The following MYT1L variants were observed in gnomAD, a reference collection of about 807,000 sequenced individuals.
The protein encoded by MYT1L is myelin transcription factor 1 like.
A neutral mutation model predicts 126.7 loss-of-function variants in MYT1L; 12 were observed. That is an observed-to-expected ratio of 0.09 (90% CI 0.06 to 0.15). The LOEUF (loss-of-function observed/expected upper bound fraction) is 0.15. MYT1L is among the 10% of genes least tolerant of loss of function. The pLI, the probability that MYT1L is intolerant of heterozygous loss-of-function variation, is 1.00. For missense variants in MYT1L, 979 were observed against 1,585.2 expected, an observed-to-expected ratio of 0.62 and a Z score of 6.49; for synonymous variants, 541 against 604.2, an observed-to-expected ratio of 0.90 and a Z score of 1.53.
intron 18 of MYT1L, among the ~76,000 whole-genome samples, chr2:1,867,462 A>C (rs1045792625): frequency 1.3e-5 from 2 of 152,096 alleles, no homozygotes; most frequent in African/African-American, 2.4e-5. Context: ...CTGCACTACT[A>C]ATCACCAACT....
chr2:2,281,363 C>T (rs918534886), intron 2 of MYT1L, among the ~76,000 whole-genome samples: 7 of 152,188 alleles, frequency 4.6e-5, no homozygotes, highest in Admixed American at 2.0e-4. Context: ...AACTAGTACA[C>T]GTGGCATGAC....
chr2:2,176,735 G>T (rs2090840568), intron 2 of MYT1L, among the ~76,000 whole-genome samples: 1 of 152,090 alleles, frequency 6.6e-6, no homozygotes, highest in Non-Finnish European at 1.5e-5. Flanking sequence ...CTGACCTTAA[G>T]TGATCTGCCT....
intron 2 of MYT1L, among the ~76,000 whole-genome samples, chr2:2,261,704 G>T (rs894918587): frequency 6.6e-6 from 1 of 152,180 alleles, no homozygotes. Flanking sequence ...ATACATTTGT[G>T]GAGATCTTCA....
At chr2:1,847,099 G>T (rs995347240) in intron 19 of MYT1L, among the ~76,000 whole-genome samples, 2 of 152,180 alleles carry the variant, frequency 1.3e-5, no homozygotes, top group African/African-American at 2.4e-5. Context: ...TGGAGGCTTC[G>T]ATTTTGCGCA....
In MYT1L at chr2:2,059,684, G is replaced by A. The variant is rs1192342430; in HGVS notation, c.-303-5561C>T. 3.9e-5 allele frequency among the ~76,000 whole-genome samples: 6 copies of A among 152,244 alleles called. No individual in the cohort carries two copies. The highest frequency in any genetic ancestry group is 9.6e-5 in the African/African-American group (4 of 41,544). ...GAAAGTCCTTAATTATGTCTGCGTC[G>A]TAGGCTCTTCACCTTTCAGAATCAT... On this transcript the variant is annotated intron_variant, in intron 3 of 24. Coordinates refer to ENST00000647738, the MANE Select transcript of MYT1L (RefSeq NM_001303052.2). This position sits in a 1 kb window ranked among gnomAD's most constrained non-coding sequence, Gnocchi z 4.7.
chr2:1,881,899 T>C (rs1004592359), intron 18 of MYT1L, among the ~76,000 whole-genome samples: 2 of 152,168 alleles, frequency 1.3e-5, no homozygotes, highest in South Asian at 2.1e-4. Context: ...GGAGCAGGCA[T>C]GAAGCGTGGG....
At chr2:1,844,035 C>T (rs1412088433) in intron 19 of MYT1L, among the ~76,000 whole-genome samples, 1 of 152,180 alleles carries the variant, frequency 6.6e-6, no homozygotes, top group African/African-American at 2.4e-5. Context: ...CCTGTGGTCT[C>T]TTCTGGGGCA....
chr2:2,021,679 C>T (rs143829170), intron 4 of MYT1L, among the ~76,000 whole-genome samples: 2,334 of 152,256 alleles, frequency 0.015, 54 homozygotes, highest in African/African-American at 0.05. Context: ...AGGCTGATCA[C>T]GAGGTCAGGA....
At chr2:2,054,704 G>A (rs561665608) in intron 3 of MYT1L, among the ~76,000 whole-genome samples, 1 of 150,838 alleles carries the variant, frequency 6.6e-6, no homozygotes, top group East Asian at 2.0e-4. Context: ...GAGACACATG[G>A]ATATGATGAG....
chr2:2,317,085 G>A (rs925701229), intron 1 of MYT1L, among the ~76,000 whole-genome samples: 13 of 152,074 alleles, frequency 8.5e-5, no homozygotes, highest in Middle Eastern at 3.4e-3. Flanking sequence ...CCAAAGTGCT[G>A]AGGTTATAGG....
chr2:1,809,568 A>G (rs1483747907), intron 21 of MYT1L, among the ~76,000 whole-genome samples: 9 of 152,210 alleles, frequency 5.9e-5, no homozygotes, highest in Admixed American at 5.9e-4. Flanking sequence ...GGTTGGGTTT[A>G]AAAGTTAATT....
intron 23 of MYT1L, among the ~76,000 whole-genome samples, chr2:1,794,567 G>A (rs575076262): frequency 6.6e-6 from 1 of 152,148 alleles, no homozygotes; most frequent in Non-Finnish European, 1.5e-5. Flanking sequence ...AGGCAGGGGC[G>A]GCACCCTGTC....
chr2:2,304,685 C>G (rs746606699), intron 1 of MYT1L, among the ~76,000 whole-genome samples: 1 of 152,216 alleles, frequency 6.6e-6, no homozygotes, highest in Non-Finnish European at 1.5e-5. Flanking sequence ...AGGCAACACA[C>G]AAATGAATGG....
intron 3 of MYT1L, among the ~76,000 whole-genome samples, chr2:2,134,204 C>T (rs1331624145): frequency 6.6e-6 from 1 of 152,166 alleles, no homozygotes; most frequent in Non-Finnish European, 1.5e-5. Context: ...GTCTCACCTC[C>T]CTCCTGGCTT....
At chr2:2,098,617 C>T (rs2077706915) in intron 3 of MYT1L, among the ~76,000 whole-genome samples, 1 of 152,098 alleles carries the variant, frequency 6.6e-6, no homozygotes, top group Non-Finnish European at 1.5e-5. Flanking sequence ...TGCTAAACGC[C>T]CTGCAGACAC....
chr2:2,003,006 T>C (rs954900659), intron 4 of MYT1L, among the ~76,000 whole-genome samples: 2 of 152,136 alleles, frequency 1.3e-5, no homozygotes, highest in Admixed American at 6.5e-5. Context: ...TCTTTATAAA[T>C]TAGTCTCCAG....
intron 3 of MYT1L, among the ~76,000 whole-genome samples, chr2:2,106,068 G>A (rs1187004545): frequency 6.6e-6 from 1 of 152,090 alleles, no homozygotes; most frequent in African/African-American, 2.4e-5. Context: ...CCAACTCAAA[G>A]GAATGCACCA....
chr2:1,868,693 G>C (rs989649271), intron 18 of MYT1L, among the ~76,000 whole-genome samples: 1 of 152,224 alleles, frequency 6.6e-6, no homozygotes, highest in African/African-American at 2.4e-5. Context: ...GCACTCGTGG[G>C]CCTGCCCTGG....
At chr2:1,983,704 T>C (rs1160723558) in intron 5 of MYT1L, among the ~76,000 whole-genome samples, 8 of 152,218 alleles carry the variant, frequency 5.3e-5, no homozygotes, top group African/African-American at 1.9e-4. Flanking sequence ...GCCTCAGGCG[T>C]TTAAACCGTT....
Sources: gnomAD v4.1 joint callset for allele counts (sites outside exome capture counted in the v4.1 genomes callset) on GRCh38, gnomAD v4.1.1 for gene constraint, Gnocchi (gnomAD v3.1) non-coding constraint, MANE v1.5 for transcripts, NCBI Gene and HGNC (gene_info 2026-07-23, HGNC 2026-07-21) for gene names.